The following PCDHGA6 variants were observed in gnomAD, a reference collection of about 807,000 sequenced individuals.
PCDHGA6 encodes protocadherin gamma subfamily A, 6, also known as protocadherin gamma-A6.
PCDHGA6 carries 41 observed loss-of-function variants against 60.6 expected under a neutral mutation model. That is an observed-to-expected ratio of 0.68 (90% CI 0.53 to 0.88). PCDHGA6 has a LOEUF of 0.88. PCDHGA6 is among the 40% of genes least tolerant of loss of function. The pLI, the probability that PCDHGA6 is intolerant of heterozygous loss-of-function variation, is 0.00. For synonymous variants in PCDHGA6, 594 were observed against 524.4 expected, an observed-to-expected ratio of 1.13 and a Z score of -1.81; for missense variants, 1,312 against 1,203.0, an observed-to-expected ratio of 1.09 and a Z score of -1.34.
At chr5:141,428,146 C>T (rs549173211) in intron 1 of PCDHGA6, 15 of 1,589,346 alleles carry the variant, frequency 9.4e-6, no homozygotes, top group East Asian at 2.2e-5. Context: ...GGGCTGCACA[C>T]GGGAACCTGC....
At chr5:141,419,051 T>A (rs1007349455) in intron 1 of PCDHGA6, 6 of 1,613,950 alleles carry the variant, frequency 3.7e-6, no homozygotes, top group East Asian at 2.2e-5. Context: ...TCATTCTTCT[T>A]CTAATAATTA....
At chr5:141,475,657 C>T (rs2099366732) in intron 1 of PCDHGA6, among the ~76,000 whole-genome samples, 1 of 152,204 alleles carries the variant, frequency 6.6e-6, no homozygotes, top group Non-Finnish European at 1.5e-5. Flanking sequence ...GAAAGTGATT[C>T]AAATGTTTAA....
chr5:141,494,903 G>A (rs760748707), intron 2 of PCDHGA6, 38 bp downstream of exon 2: 39 of 1,613,894 alleles, frequency 2.4e-5, no homozygotes, highest in Non-Finnish European at 3.1e-5. Context: ...TCTTCTCTGC[G>A]GCATTTTCTC....
intron 1 of PCDHGA6, chr5:141,404,268 C>A (rs1334326806): frequency 1.2e-6 from 2 of 1,613,860 alleles, no homozygotes; most frequent in African/African-American, 2.7e-5. Context: ...ATTCACATCA[C>A]CCTGCAAGTG....
In PCDHGA6 at chr5:141,431,932, C is replaced by A; in HGVS notation, c.2424+55425C>A. 1 of 1,614,172 alleles carries A rather than the reference C, an allele frequency of 6.2e-7. No homozygotes were observed. Among genetic ancestry groups the A allele is most frequent in the Non-Finnish European group, 8.5e-7 (1 of 1,180,002 alleles). The stretch of plus-strand genomic sequence containing the variant: ...TCTGTTTCATCCAAGGAAATCTGCC[C>A]TTTAAATTAGAAAAATCTTACGGAA... On this transcript the variant is annotated intron_variant, in intron 1 of 3. Transcript: ENST00000517434. The surrounding 1 kb of genome is among the most constrained non-coding windows in gnomAD (Gnocchi z 4.8).
chr5:141,428,886 G>T (rs1002869474), intron 1 of PCDHGA6: 3 of 149,710 alleles, frequency 2.0e-5, no homozygotes, highest in Non-Finnish European at 2.9e-5. Context: ...ACGGAGTCTC[G>T]CTCTGTGGTC....
intron 1 of PCDHGA6, among the ~76,000 whole-genome samples, chr5:141,445,356 A>C (rs1333905692): frequency 6.6e-6 from 1 of 152,202 alleles, no homozygotes; most frequent in Non-Finnish European, 1.5e-5. Flanking sequence ...TGTCTGCCCA[A>C]GTCTGGTCCT....
intron 1 of PCDHGA6, chr5:141,404,934 C>A: frequency 5.6e-6 from 9 of 1,613,986 alleles, no homozygotes; most frequent in Non-Finnish European, 6.8e-6. Flanking sequence ...GTCACGCTCA[C>A]AGTAGCCATA....
chr5:141,374,501 G>T lies in PCDHGA6; in HGVS notation c.418G>T (p.Val140Leu), dbSNP rs746410507. 13 of 1,611,510 alleles carry T rather than the reference G, an allele frequency of 8.1e-6. No individual in the cohort carries two copies. Among genetic ancestry groups the T allele is most frequent in the Non-Finnish European group, 1.0e-5 (12 of 1,177,806 alleles). ...TPRFLKEELE[V>L]KILENAAPSS... ...CCGATTCTTAAAGGAAGAATTGGAA[G>T]TGAAAATTCTCGAAAACGCAGCTCC... Residue 140 changes from valine (V) to leucine (L), a missense_variant, in exon 1 of 4, where the codon GTG becomes TTG. Coordinates refer to ENST00000517434, the MANE Select transcript of PCDHGA6 (RefSeq NM_018919.3).
At chr5:141,454,796 ATTTTTTTTTTTT>A (rs61612330) in intron 1 of PCDHGA6, among the ~76,000 whole-genome samples, 76 of 77,462 alleles carry the variant, frequency 9.8e-4, no homozygotes, top group African/African-American at 3.9e-3. Flanking sequence ...CATGGTTCTA[ATTTTTTTTTTTT>A]TTTTTTTTTT....
intron 1 of PCDHGA6, among the ~76,000 whole-genome samples, chr5:141,407,414 C>T (rs1190741475): frequency 6.6e-6 from 1 of 152,156 alleles, no homozygotes; most frequent in Non-Finnish European, 1.5e-5. Flanking sequence ...TTCGATACCA[C>T]AAAAATGTCT....
chr5:141,477,221 A>G lies in PCDHGA6; in HGVS notation c.2425-17586A>G, dbSNP rs771608717. 1 of 1,614,178 alleles carries G rather than the reference A, an allele frequency of 6.2e-7. No homozygotes were observed. The highest frequency in any genetic ancestry group is 8.5e-7 in the Non-Finnish European group (1 of 1,180,044). ...AGTACCCGAGGATGCCCCTCTGGGG[A>G]CTGTCATCGCTTTGCTCAGTGTGAC... On this transcript the variant is annotated intron_variant, in intron 1 of 3. Coordinates refer to ENST00000517434, the MANE Select transcript of PCDHGA6 (RefSeq NM_018919.3). This position sits in a 1 kb window ranked among gnomAD's most constrained non-coding sequence, Gnocchi z 4.9.
At position 141,432,963 on chromosome 5, in the gene PCDHGA6, C is replaced by T. The variant is rs1382354299; in HGVS notation, c.2424+56456C>T. 1.5e-5 allele frequency: 24 copies of T among 1,614,046 alleles called. 1 individual carries two copies. In the South Asian group the frequency reaches 2.3e-4, roughly 16 times the overall value. On this transcript the variant is annotated intron_variant, in intron 1 of 3. Transcript: ENST00000517434. The surrounding 1 kb of genome is among the most constrained non-coding windows in gnomAD (Gnocchi z 6.0). ...GCTTCAGGAGGCGGCTTGACAGGAG[C>T]GCCGGCGTCGCACTTTGTGGGCGTG...
At chr5:141,478,177 A>G (rs769503109) in intron 1 of PCDHGA6, 1 of 1,613,988 alleles carries the variant, frequency 6.2e-7, no homozygotes, top group South Asian at 1.1e-5. Context: ...GGGAGCAGAA[A>G]AAAAATCTCA....
At chr5:141,507,724 G>A (rs2099862962) in intron 3 of PCDHGA6, among the ~76,000 whole-genome samples, 1 of 152,256 alleles carries the variant, frequency 6.6e-6, no homozygotes. Context: ...CTCCAAGCAA[G>A]TCATGCAGCT....
At chr5:141,464,156 T>C (rs2099077051) in intron 1 of PCDHGA6, among the ~76,000 whole-genome samples, 2 of 151,752 alleles carry the variant, frequency 1.3e-5, no homozygotes, top group Non-Finnish European at 1.5e-5. Context: ...TCCCAGCTAC[T>C]TGGAAGGCTG....
intron 1 of PCDHGA6, chr5:141,385,213 C>T (rs1481010729): frequency 1.7e-5 from 28 of 1,614,108 alleles, no homozygotes; most frequent in Non-Finnish European, 2.2e-5. Flanking sequence ...GATCTTCCCC[C>T]AGCCCAACTA....
chr5:141,404,167 G>C, intron 1 of PCDHGA6: 1 of 1,612,946 alleles, frequency 6.2e-7, no homozygotes, highest in South Asian at 1.1e-5. Context: ...ACAGATTGTT[G>C]ACGGCCCAAA....
At chr5:141,389,990 C>G (rs2091998485) in intron 1 of PCDHGA6, 2 of 1,614,044 alleles carry the variant, frequency 1.2e-6, no homozygotes, top group Non-Finnish European at 1.7e-6. Flanking sequence ...TGCTCTTCCT[C>G]GTGGCCATGA....
Sources: gnomAD v4.1 joint callset for allele counts (sites outside exome capture counted in the v4.1 genomes callset) on GRCh38, gnomAD v4.1.1 for gene constraint, Gnocchi (gnomAD v3.1) non-coding constraint, MANE v1.5 for transcripts, NCBI Gene and HGNC (gene_info 2026-07-23, HGNC 2026-07-21) for gene names.